TACC2: variants seen among roughly 807,000 people sequenced by gnomAD.
TACC2 encodes transforming acidic coiled-coil containing protein 2, also known as transforming acidic coiled-coil-containing protein 2.
TACC2 carries 137 observed loss-of-function variants against 227.3 expected under a neutral mutation model. The observed-to-expected ratio is 0.60, with a 90% CI of 0.52 to 0.69. The LOEUF is 0.69. TACC2 is among the 30% of genes least tolerant of loss of function. The pLI is 0.00. For synonymous variants in TACC2, 1,523 were observed against 1,487.5 expected (o/e 1.02, Z -0.55); for missense variants, 3,470 against 3,694.4 (o/e 0.94, Z 1.57).
chr10:122,099,638 G>T (rs1334286773), intron 5 of TACC2, among the ~76,000 whole-genome samples: 2 of 152,204 alleles, frequency 1.3e-5, no homozygotes, highest in Non-Finnish European at 2.9e-5. Context: ...GCTTTTGCTG[G>T]TGGTTTTTCG....
intron 7 of TACC2, among the ~76,000 whole-genome samples, chr10:122,147,948 G>A (rs373363862): frequency 9.2e-5 from 14 of 152,244 alleles, no homozygotes; most frequent in African/African-American, 2.9e-4. Flanking sequence ...TCAACCATGC[G>A]GCCATGGCCT....
At chr10:122,009,914 G>A (rs1955713200) in intron 1 of TACC2, among the ~76,000 whole-genome samples, 1 of 152,178 alleles carries the variant, frequency 6.6e-6, no homozygotes, top group Non-Finnish European at 1.5e-5. Flanking sequence ...GACAGAGTGA[G>A]ACTCTGTTTT....
At chr10:122,099,560 C>A (rs934481615) in intron 5 of TACC2, among the ~76,000 whole-genome samples, 4 of 152,210 alleles carry the variant, frequency 2.6e-5, no homozygotes, top group Non-Finnish European at 5.9e-5. Flanking sequence ...AGTCTGTCCT[C>A]CCCAGCAGCA....
intron 6 of TACC2, among the ~76,000 whole-genome samples, chr10:122,140,896 G>T (rs970542409): frequency 2.6e-5 from 4 of 152,204 alleles, no homozygotes; most frequent in Admixed American, 2.0e-4. Flanking sequence ...GAATGCCGTG[G>T]AAAGTCAGGG....
chr10:122,237,315 T>A (rs1413425671), intron 16 of TACC2, 80 bp from the exon 17 acceptor site: 2 of 1,386,900 alleles, frequency 1.4e-6, no homozygotes, highest in Admixed American at 4.8e-5. Context: ...ATTGGCCCAT[T>A]CATGAGAGGG....
chr10:122,217,413 GTTTTTTCTTTTTCTTTC>G, intron 11 of TACC2, among the ~76,000 whole-genome samples: 1 of 136,794 alleles, frequency 7.3e-6, no homozygotes, highest in African/African-American at 2.7e-5. Context: ...CAATTTCAGT[GTTTTTTCTTTTTCTTTC>G]TTTTTTCTTT....
rs777186376 is a variant in TACC2 at position 122,085,269 on chromosome 10, G to T, written c.2769G>T (p.Trp923Cys). ...TPTSSPTDMVWESSLTEESEL... is the reference protein window; with the variant it reads ...TPTSSPTDMVCESSLTEESEL... Reference sequence around the variant, plus strand: ...CTTCATCTCCCACTGACATGGTTTGGGAGAGTTCTCTGACAGAAGAGTCAG... The same window carrying T: ...CTTCATCTCCCACTGACATGGTTTGTGAGAGTTCTCTGACAGAAGAGTCAG... The change falls in exon 4 of 23, where the codon TGG becomes TGT. Residue 923 changes from tryptophan (W) to cysteine (C), a missense_variant. Coordinates refer to ENST00000369005, the MANE Select transcript of TACC2 (RefSeq NM_206862.4). The T allele has an allele frequency of 1.2e-6, 2 of 1,614,066 alleles. No individual in the cohort carries two copies. The highest frequency in any genetic ancestry group is 2.7e-5 in the African/African-American group (2 of 75,028).
chr10:122,083,173 T>C lies in TACC2; in HGVS notation c.673T>C (p.Ser225Pro), dbSNP rs1412361944. ...GGGGGACCAGCCTGGTGGTTTTGAGTCCCAAGAGAAAGAGGCTGCAGGTGG... is the reference window on the plus strand; with the variant it reads ...GGGGGACCAGCCTGGTGGTTTTGAGCCCCAAGAGAAAGAGGCTGCAGGTGG... ...GEGDQPGGFE[S>P]QEKEAAGGFP... The change falls in exon 4 of 23, where the codon TCC becomes CCC. Residue 225 changes from serine (S) to proline (P), a missense_variant. This residue lies in a region of TACC2 where 405 missense variants were observed against 389.6 expected (regional missense o/e 1.04). Coordinates refer to ENST00000369005, the MANE Select transcript of TACC2 (RefSeq NM_206862.4). 2 of 1,612,684 alleles carry C rather than the reference T, an allele frequency of 1.2e-6. No homozygotes were observed. The highest frequency in any genetic ancestry group is 2.7e-5 in the African/African-American group (2 of 74,780).
intron 3 of TACC2, among the ~76,000 whole-genome samples, chr10:122,068,662 C>T (rs951549742): frequency 6.2e-5 from 5 of 80,038 alleles, no homozygotes; most frequent in African/African-American, 1.8e-4. Flanking sequence ...AGGATTGCTC[C>T]TCCGAAACCT....
chr10:122,075,200 A>G (rs72839692), intron 3 of TACC2, among the ~76,000 whole-genome samples: 2,243 of 122,348 alleles, frequency 0.018, 36 homozygotes, highest in African/African-American at 0.041. Context: ...AAAAAAAAAA[A>G]AAAGAAAGAA....
At position 122,086,083 on chromosome 10, in the gene TACC2, C is replaced by CT; in HGVS notation, c.3584dup (p.Pro1196AlafsTer39). 1 of 1,613,830 alleles carries CT rather than the reference C, an allele frequency of 6.2e-7. No individual in the cohort carries two copies. Reference sequence around the variant, plus strand: ...CATGGCCAGCTGCCAGGATGCCTTGCTGCCAGCCAGAGAGCTGGGTGGGAT... The same window carrying CT: ...CATGGCCAGCTGCCAGGATGCCTTGCTTGCCAGCCAGAGAGCTGGGTGGGAT... On this transcript the variant is annotated frameshift_variant, in exon 4 of 23. Transcript: ENST00000369005. LOFTEE classifies it high-confidence loss of function.
intron 1 of TACC2, among the ~76,000 whole-genome samples, chr10:121,998,997 G>A (rs1047497328): frequency 1.3e-5 from 2 of 151,670 alleles, no homozygotes; most frequent in African/African-American, 4.8e-5. Flanking sequence ...AGCTGGAGTG[G>A]CCATTTCTTT....
intron 7 of TACC2, among the ~76,000 whole-genome samples, chr10:122,184,096 C>G (rs888616141): frequency 6.6e-6 from 1 of 152,148 alleles, no homozygotes; most frequent in Non-Finnish European, 1.5e-5. Context: ...GGTGAGCGGC[C>G]GTGGGGTTAT....
chr10:122,040,603 C>G (rs188745663), intron 2 of TACC2, among the ~76,000 whole-genome samples: 54 of 152,266 alleles, frequency 3.5e-4, no homozygotes, highest in African/African-American at 1.2e-3. Context: ...ATGGGGCTGT[C>G]ATGATTCCCA....
intron 6 of TACC2, among the ~76,000 whole-genome samples, chr10:122,138,052 A>G (rs527896463): frequency 6.6e-6 from 1 of 152,286 alleles, no homozygotes; most frequent in South Asian, 2.1e-4. Flanking sequence ...CATACTGACT[A>G]CAGCTTTTAT....
chr10:122,052,487 A>G (rs1306837754), intron 3 of TACC2: 1 of 152,102 alleles, frequency 6.6e-6, no homozygotes, highest in Non-Finnish European at 1.5e-5. Flanking sequence ...GATCCAGACC[A>G]CCCTGGCCAA....
At position 122,138,257 on chromosome 10, in the gene TACC2, C is replaced by T. The variant is rs568303813; in HGVS notation, c.5700-5315C>T. ...GGGTGCGGTGGCTTATGCCTGTAAT[C>T]CCAGAGCTTGGAGAGGCCAAGGCAG... On this transcript the variant is annotated intron_variant, in intron 6 of 22. Transcript: ENST00000369005. Among the ~76,000 whole-genome samples, 103 of 152,282 alleles carry T rather than the reference C, an allele frequency of 6.8e-4. 3 individuals carry two copies. Among genetic ancestry groups the T allele is most frequent in the Admixed American group, 2.6e-4 (4 of 15,302 alleles).
chr10:122,185,664 G>A (rs966880834), intron 7 of TACC2, among the ~76,000 whole-genome samples: 2 of 152,310 alleles, frequency 1.3e-5, no homozygotes, highest in Non-Finnish European at 2.9e-5. Flanking sequence ...TGAGTAATGT[G>A]CAGGATCCTT....
rs550775834 is a variant in TACC2 at position 122,107,841 on chromosome 10, C to T, written c.5573+19250C>T. Among the ~76,000 whole-genome samples the T allele has an allele frequency of 3.0e-3, 434 of 144,718 alleles. 3 individuals carry two copies. The highest frequency in any genetic ancestry group is 0.01 in the African/African-American group (409 of 39,836). The allele number at this position is 144,718 out of a possible 152,430, so 94.9% of individuals were successfully genotyped here. A position where few individuals can be genotyped will look rare whatever the true frequency, so the allele number is the denominator to read the frequency against. ...ATCCCTCACCCCCCTCCCACCCTTT[C>T]CCCCAAGACCCCAAAGTCCATTATA... is the stretch of plus-strand genomic sequence containing the variant. On this transcript the variant is annotated intron_variant, in intron 5 of 22. Coordinates refer to ENST00000369005, the MANE Select transcript of TACC2 (RefSeq NM_206862.4).
Sources: allele counts gnomAD v4.1 joint callset (sites outside exome capture counted in the v4.1 genomes callset), GRCh38; gene constraint gnomAD v4.1.1; regional missense constraint gnomAD v4.1.1; transcripts MANE v1.5; gene names NCBI Gene and HGNC (gene_info 2026-07-23, HGNC 2026-07-21).